The following DCBLD1 variants were observed in gnomAD, a reference collection of about 807,000 sequenced individuals.
DCBLD1 encodes the protein discoidin, CUB and LCCL domain containing 1, also known as discoidin, CUB and LCCL domain-containing protein 1.
DCBLD1 carries 57 observed loss-of-function variants against 71.5 expected under a neutral mutation model. The ratio of observed to expected loss-of-function variants is 0.80; its 90% CI spans 0.64 to 0.99. The LOEUF (loss-of-function observed/expected upper bound fraction) is 0.99, where lower values mean the gene tolerates loss of function less well. Ranked by LOEUF, DCBLD1 falls within the 50% of genes least tolerant of loss-of-function variation. The probability of loss-of-function intolerance (pLI) is 0.00; values close to 1 mark genes in which losing one functional copy is unlikely to be tolerated. For synonymous variants in DCBLD1, 380 were observed against 363.8 expected (o/e 1.04, Z -0.51); for missense variants, 891 against 923.5 (o/e 0.96, Z 0.46).
At chr6:117,525,985 T>C (rs891083117) in intron 5 of DCBLD1, among the ~76,000 whole-genome samples, 3 of 152,200 alleles carry the variant, frequency 2.0e-5, no homozygotes, top group African/African-American at 7.2e-5. Flanking sequence ...AGTATCTGAT[T>C]TTTTAAAAAT....
chr6:117,544,558 A>C lies in DCBLD1; in HGVS notation c.1476A>C (p.Ser492=). 1 of 1,614,116 alleles carries C rather than the reference A, an allele frequency of 6.2e-7. No homozygotes were observed. The highest frequency in any genetic ancestry group is 8.5e-7 in the Non-Finnish European group (1 of 1,180,014). Reference sequence around the variant, plus strand: ...AGAAGAAAGGAAGTCCGTATGGATCAGCAGAGGCTCAGAAAACAGGTTGGT... The same window carrying C: ...AGAAGAAAGGAAGTCCGTATGGATCCGCAGAGGCTCAGAAAACAGGTTGGT... ...KKKKKGSPYG[S]AEAQKTDCWK... is the part of the protein sequence containing the mutation. Residue 492 remains serine, a synonymous_variant, in exon 13 of 15, where the codon TCA becomes TCC. Transcript: ENST00000338728.
At position 117,521,509 on chromosome 6, in the gene DCBLD1, T is replaced by C. The variant is rs1390814218; in HGVS notation, c.461-16T>C. The stretch of plus-strand genomic sequence containing the variant: ...TTATTCATTCTATTAATTGCAATTA[T>C]CTTTATTTATGACAGATTTAATAAC... On this transcript the variant is annotated splice_polypyrimidine_tract_variant and intron_variant, in intron 3 of 14. Transcript: ENST00000338728. 1.3e-6 allele frequency: 2 copies of C among 1,565,476 alleles called. No individual in the cohort carries two copies. The highest frequency in any genetic ancestry group is 1.7e-6 in the Non-Finnish European group (2 of 1,157,856).
intron 5 of DCBLD1, among the ~76,000 whole-genome samples, chr6:117,528,899 G>A (rs1223451641): frequency 6.6e-6 from 1 of 152,178 alleles, no homozygotes; most frequent in Non-Finnish European, 1.5e-5. Flanking sequence ...GGAGTGCAGT[G>A]GTGTGATCTT....
downstream of DCBLD1, among the ~76,000 whole-genome samples, chr6:117,553,779 T>C (rs1484224845): frequency 6.6e-6 from 1 of 152,200 alleles, no homozygotes; most frequent in Non-Finnish European, 1.5e-5. Flanking sequence ...GTGTTTTTTT[T>C]GTTGTTGCTG....
intron 2 of DCBLD1, among the ~76,000 whole-genome samples, chr6:117,504,370 C>T (rs1035049720): frequency 3.3e-5 from 5 of 152,178 alleles, no homozygotes; most frequent in Non-Finnish European, 5.9e-5. Context: ...CAAAGTTCCT[C>T]TATGAAACTT....
chr6:117,544,270 C>A (rs1779192497), intron 12 of DCBLD1: 2 of 368,136 alleles, frequency 5.4e-6, no homozygotes, highest in South Asian at 1.4e-4. Context: ...CTTAATAAGG[C>A]ACTGATTTCT....
In DCBLD1 at chr6:117,548,657, G is replaced by A. The variant is rs916064007; in HGVS notation, c.*218G>A. On this transcript the variant is annotated 3_prime_UTR_variant, in exon 15 of 15. Coordinates refer to ENST00000338728, the MANE Select transcript of DCBLD1 (RefSeq NM_001366458.2). ...CTGACCCTTAGGGTGCGTCTGTTGG[G>A]TTTTGTTGGGCTAGAAAAATGAAAA... 4 of 1,417,978 alleles carry A rather than the reference G, an allele frequency of 2.8e-6. No homozygotes were observed. The African/African-American group carries it at 4.3e-5, about 15-fold the overall frequency. 87.8% of individuals were successfully genotyped at this position (1,417,978 alleles called of 1,614,324 possible).
In DCBLD1 at chr6:117,532,384, T is replaced by C. The variant is rs377575899; in HGVS notation, c.710T>C (p.Leu237Pro). ...GAAGGGATTCTGGCCAATGGTGTTC[T>C]TTCGAGGGAGTAAGTATTTTTTTTC... The part of the protein sequence containing the change: ...RYEGILANGV[L>P]SRDGSLSDKR... The change falls in exon 6 of 15, where the codon CTT becomes CCT. Residue 237 changes from leucine (L) to proline (P), a missense_variant. Physicochemically the swap from Leu to Pro is moderately conservative, Grantham distance 98. Transcript: ENST00000338728. The C allele has an allele frequency of 2.5e-6, 4 of 1,606,334 alleles. No homozygotes were observed. In the African/African-American group the frequency reaches 5.4e-5, roughly 22 times the overall value.
intron 4 of DCBLD1, among the ~76,000 whole-genome samples, chr6:117,521,834 G>A (rs1443490239): frequency 6.6e-6 from 1 of 152,142 alleles, no homozygotes; most frequent in African/African-American, 2.4e-5. Flanking sequence ...TGTTGCTGTT[G>A]TAGCAAAAAA....
intron 2 of DCBLD1, among the ~76,000 whole-genome samples, chr6:117,510,770 A>T (rs1335187788): frequency 6.6e-6 from 1 of 152,146 alleles, no homozygotes; most frequent in Non-Finnish European, 1.5e-5. Context: ...CTCTATAAAC[A>T]TTCCCTCTGC....
intron 14 of DCBLD1, chr6:117,563,371 CT>C: frequency 6.2e-7 from 1 of 1,613,104 alleles, no homozygotes. Flanking sequence ...CAGTTACTGC[CT>C]TCTTATTAAA....
At chr6:117,503,060 T>C (rs1289147678) in intron 1 of DCBLD1, among the ~76,000 whole-genome samples, 1 of 152,244 alleles carries the variant, frequency 6.6e-6, no homozygotes, top group South Asian at 2.1e-4. Context: ...TTTGAATGTG[T>C]GACTATTTGC....
intron 4 of DCBLD1, among the ~76,000 whole-genome samples, chr6:117,522,617 T>A (rs1778422763): frequency 6.6e-6 from 1 of 152,068 alleles, no homozygotes; most frequent in Admixed American, 6.6e-5. Flanking sequence ...AATTTTTAAA[T>A]TTTTTTAGAA....
intron 5 of DCBLD1, among the ~76,000 whole-genome samples, chr6:117,526,564 A>G (rs1778552896): frequency 6.6e-6 from 1 of 152,162 alleles, no homozygotes; most frequent in South Asian, 2.1e-4. Flanking sequence ...ACAGAGCTAT[A>G]TTTTTTAGCA....
At chr6:117,511,211 G>GAAAC (rs1778009166) in intron 2 of DCBLD1, among the ~76,000 whole-genome samples, 1 of 152,224 alleles carries the variant, frequency 6.6e-6, no homozygotes, top group Non-Finnish European at 1.5e-5. Context: ...GGAAGAAATG[G>GAAAC]AAACTTCTCC....
intron 2 of DCBLD1, among the ~76,000 whole-genome samples, chr6:117,514,798 G>A (rs921635789): frequency 6.6e-6 from 1 of 152,044 alleles, no homozygotes; most frequent in African/African-American, 2.4e-5. Context: ...TAACTGGGAG[G>A]ATGAAACCAA....
chr6:117,490,543 A>T (rs9489213), intron 1 of DCBLD1, among the ~76,000 whole-genome samples: 91,721 of 152,078 alleles, frequency 0.6, 29,660 homozygotes, highest in African/African-American at 0.86. Context: ...ATTTGCCTAT[A>T]CATACTTTAT....
rs75296317 is a variant in DCBLD1, at chr6:117,502,031, T to C, written c.113-1736T>C. On this transcript the variant is annotated intron_variant, in intron 1 of 14. Transcript: ENST00000338728. ...GATTTTGTCTCAAGAATTTGCCTGT[T>C]TTCTGTTCCCTTCCTTCCTGTTCCA... 5.6e-3 allele frequency among the ~76,000 whole-genome samples: 849 copies of C among 152,280 alleles called. 10 individuals carry two copies. The highest frequency in any genetic ancestry group is 0.02 in the African/African-American group (814 of 41,544).
At position 117,548,192 on chromosome 6, in the gene DCBLD1, T is replaced by A; in HGVS notation, c.1901T>A (p.Leu634His). ...CCCCAGCCCGGCCACAAACACTCCC[T>A]CTCCTCGGGCGGCTTCTCCCCCGTA... ...PGPQPGHKHS[L>H]SSGGFSPVAG... The change falls in exon 15 of 15, where the codon CTC becomes CAC. Residue 634 changes from leucine to histidine, a missense_variant. Leu to His is a moderately conservative substitution (Grantham distance 99). Transcript: ENST00000338728. 5 of 1,550,192 alleles carry A rather than the reference T, an allele frequency of 3.2e-6. No homozygotes were observed. The highest frequency in any genetic ancestry group is 4.4e-6 in the Non-Finnish European group (5 of 1,146,894).
Sources: allele counts gnomAD v4.1 joint callset (sites outside exome capture counted in the v4.1 genomes callset), GRCh38; gene constraint gnomAD v4.1.1; transcripts MANE v1.5; gene names NCBI Gene and HGNC (gene_info 2026-07-23, HGNC 2026-07-21).